DPP10: variants seen among roughly 807,000 people sequenced by gnomAD.
DPP10 encodes dipeptidyl peptidase like 10.
DPP10 carries 33 observed loss-of-function variants against 120.9 expected under a neutral mutation model. The ratio of observed to expected loss-of-function variants is 0.27; its 90% CI spans 0.21 to 0.37. The LOEUF is 0.37. Ranked by LOEUF, DPP10 falls within the 10% of genes least tolerant of loss-of-function variation. The pLI is 1.00. For synonymous variants in DPP10, 337 were observed against 326.1 expected, an observed-to-expected ratio of 1.03 and a Z score of -0.36; for missense variants, 816 against 942.8, an observed-to-expected ratio of 0.87 and a Z score of 1.76.
At chr2:114,594,656 G>A (rs1691757959) in intron 1 of DPP10, among the ~76,000 whole-genome samples, 1 of 150,630 alleles carries the variant, frequency 6.6e-6, no homozygotes, top group African/African-American at 2.4e-5. Context: ...GAGGTCAAAA[G>A]AAGCAGGGGA....
chr2:114,571,371 T>G (rs1328250522), intron 1 of DPP10, among the ~76,000 whole-genome samples: 1 of 152,116 alleles, frequency 6.6e-6, no homozygotes, highest in African/African-American at 2.4e-5. Context: ...TCCACCATGA[T>G]TGTAAGTTTC....
rs537517402 is a variant in DPP10 at position 115,493,914 on chromosome 2, G to A, written c.272-5596G>A. Among the ~76,000 whole-genome samples the A allele has an allele frequency of 3.9e-5, 6 of 152,074 alleles. No homozygotes were observed. The South Asian group carries it at 6.2e-4, about 16-fold the overall frequency. ...CTTACTGTGAAAGGGAAAAAACTAG[G>A]AACAGAGAAAAACACCAGACTTAAT... On this transcript the variant is annotated intron_variant, in intron 3 of 25. Coordinates refer to ENST00000410059, the MANE Select transcript of DPP10 (RefSeq NM_020868.6).
At chr2:114,596,115 A>G (rs989205707) in intron 1 of DPP10, among the ~76,000 whole-genome samples, 10 of 150,152 alleles carry the variant, frequency 6.7e-5, no homozygotes, top group African/African-American at 2.5e-4. Flanking sequence ...CACACATTTA[A>G]AAATTACTTG....
intron 1 of DPP10, among the ~76,000 whole-genome samples, chr2:115,269,071 C>T (rs945232772): frequency 1.4e-4 from 22 of 152,266 alleles, no homozygotes; most frequent in Non-Finnish European, 2.2e-4. Flanking sequence ...CACTTGAACC[C>T]GGGAGGCAGA....
At chr2:114,910,080 T>C (rs981292508) in intron 1 of DPP10, among the ~76,000 whole-genome samples, 1 of 151,732 alleles carries the variant, frequency 6.6e-6, no homozygotes, top group Non-Finnish European at 1.5e-5. Context: ...TTATGAAGAA[T>C]AGAGAACTAC....
At chr2:114,454,431 G>T (rs563633050) in intron 1 of DPP10, among the ~76,000 whole-genome samples, 1 of 152,280 alleles carries the variant, frequency 6.6e-6, no homozygotes, top group South Asian at 2.1e-4. Context: ...AAGAGGTGGA[G>T]ATCATACATG....
chr2:115,672,476 AG>A (rs962044246), intron 5 of DPP10, among the ~76,000 whole-genome samples: 42 of 152,134 alleles, frequency 2.8e-4, no homozygotes, highest in African/African-American at 9.4e-4. Flanking sequence ...TGAGCTCTTT[AG>A]GAATTAGAAC....
intron 5 of DPP10, among the ~76,000 whole-genome samples, chr2:115,670,465 C>T (rs1245581823): frequency 6.6e-6 from 1 of 151,976 alleles, no homozygotes; most frequent in Non-Finnish European, 1.5e-5. Context: ...TGCCAATTTA[C>T]CCCAGTTTTT....
intron 5 of DPP10, among the ~76,000 whole-genome samples, chr2:115,674,227 C>CA (rs1162169977): frequency 6.8e-6 from 1 of 147,828 alleles, no homozygotes; most frequent in African/African-American, 2.5e-5. Context: ...CTCCATCTCA[C>CA]AAAAAAATAA....
intron 5 of DPP10, among the ~76,000 whole-genome samples, chr2:115,571,476 T>C (rs1300033181): frequency 6.6e-6 from 1 of 152,148 alleles, no homozygotes; most frequent in African/African-American, 2.4e-5. Flanking sequence ...AATGAGAACA[T>C]GTAGTATTTG....
chr2:114,834,563 C>T (rs1687485208), intron 1 of DPP10, among the ~76,000 whole-genome samples: 1 of 145,304 alleles, frequency 6.9e-6, no homozygotes, highest in African/African-American at 2.5e-5. Flanking sequence ...ATCTACGCAC[C>T]TATGTATATA....
chr2:114,895,988 G>A (rs1370142452), intron 1 of DPP10, among the ~76,000 whole-genome samples: 1 of 152,102 alleles, frequency 6.6e-6, no homozygotes, highest in Non-Finnish European at 1.5e-5. Flanking sequence ...TATTAAATAG[G>A]GAATCCTTTC....
rs374340340 is a variant in DPP10, at chr2:115,091,728, C to T, written c.61-217511C>T. 7.3e-4 allele frequency among the ~76,000 whole-genome samples: 111 copies of T among 152,274 alleles called. 2 individuals carry two copies. The highest frequency in any genetic ancestry group is 2.4e-3 in the African/African-American group (98 of 41,562). On this transcript the variant is annotated intron_variant, in intron 1 of 25. Transcript: ENST00000410059. The stretch of plus-strand genomic sequence containing the variant: ...TCCCTTGTTAGTTATGCTTTGCTCA[C>T]GGAAGACCCTCATTTTGGTGTCCTA...
intron 5 of DPP10, among the ~76,000 whole-genome samples, chr2:115,578,815 A>G (rs1185029860): frequency 6.6e-6 from 1 of 152,206 alleles, no homozygotes; most frequent in African/African-American, 2.4e-5. Context: ...CTATGGAATC[A>G]GTTCATCAAG....
At chr2:115,163,199 C>G (rs2104986231) in intron 1 of DPP10, among the ~76,000 whole-genome samples, 1 of 152,196 alleles carries the variant, frequency 6.6e-6, no homozygotes, top group East Asian at 1.9e-4. Flanking sequence ...GTATTCTAAG[C>G]ACTGAAGAGC....
intron 7 of DPP10, among the ~76,000 whole-genome samples, chr2:115,692,450 T>C (rs1273071579): frequency 6.6e-6 from 1 of 152,054 alleles, no homozygotes; most frequent in Non-Finnish European, 1.5e-5. Flanking sequence ...AGTTTTGCAT[T>C]ATATAATTTG....
chr2:114,650,370 C>T (rs1208768050), intron 1 of DPP10, among the ~76,000 whole-genome samples: 1 of 152,116 alleles, frequency 6.6e-6, no homozygotes, highest in Admixed American at 6.5e-5. Context: ...TTTTATTTTG[C>T]TTTTATGGTA....
intron 1 of DPP10, among the ~76,000 whole-genome samples, chr2:114,876,235 A>G (rs1317004587): frequency 2.6e-5 from 4 of 152,166 alleles, no homozygotes; most frequent in Non-Finnish European, 5.9e-5. Flanking sequence ...TGAATTGACA[A>G]GAGATAGTGA....
chr2:115,151,696 C>T (rs1027656805), intron 1 of DPP10, among the ~76,000 whole-genome samples: 31 of 151,066 alleles, frequency 2.1e-4, no homozygotes, highest in African/African-American at 6.8e-4. Flanking sequence ...CGTGAGCCAC[C>T]GCGCCCAGTC....
Sources: allele counts gnomAD v4.1 joint callset (sites outside exome capture counted in the v4.1 genomes callset), GRCh38; gene constraint gnomAD v4.1.1; transcripts MANE v1.5; gene names NCBI Gene and HGNC (gene_info 2026-07-23, HGNC 2026-07-21).